Variants in CDH18 observed in about 807,000 individuals in gnomAD.
CDH18 encodes cadherin 18.
Under a neutral mutation model 67.9 loss-of-function variants are expected in CDH18, and 31 were observed. The observed-to-expected ratio is 0.46, with a 90% CI of 0.34 to 0.62. The LOEUF (loss-of-function observed/expected upper bound fraction) is 0.62. Ranked by LOEUF, CDH18 falls within the 20% of genes least tolerant of loss-of-function variation. The pLI, the probability that CDH18 is intolerant of heterozygous loss-of-function variation, is 0.01. For missense variants in CDH18, 890 were observed against 975.5 expected (o/e 0.91, Z 1.17); for synonymous variants, 362 against 347.2 (o/e 1.04, Z -0.48).
intron 2 of CDH18, among the ~76,000 whole-genome samples, chr5:19,932,796 A>T (rs1292665370): frequency 6.6e-6 from 1 of 151,438 alleles, no homozygotes; most frequent in Non-Finnish European, 1.5e-5. Flanking sequence ...TGCTCAAACC[A>T]CTTGTCTAAT....
At chr5:19,620,097 T>C (rs1188194044) in intron 5 of CDH18, among the ~76,000 whole-genome samples, 1 of 152,200 alleles carries the variant, frequency 6.6e-6, no homozygotes, top group Admixed American at 6.5e-5. Context: ...GAATTAGCAA[T>C]CATAAATTCA....
intron 2 of CDH18, among the ~76,000 whole-genome samples, chr5:20,148,793 T>G (rs941568230): frequency 6.6e-6 from 1 of 152,092 alleles, no homozygotes; most frequent in African/African-American, 2.4e-5. Flanking sequence ...ACTCAAGAAC[T>G]CAGTTTGACA....
chr5:20,186,765 T>C (rs1453408586), intron 2 of CDH18, among the ~76,000 whole-genome samples: 2 of 151,910 alleles, frequency 1.3e-5, no homozygotes, highest in Admixed American at 6.6e-5. Flanking sequence ...AAATGTAGAA[T>C]TATCTATCCT....
intron 3 of CDH18, among the ~76,000 whole-genome samples, chr5:19,823,325 G>A (rs555053091): frequency 6.6e-6 from 1 of 152,264 alleles, no homozygotes; most frequent in South Asian, 2.1e-4. Context: ...TATTGATTGG[G>A]GAAGTGATAA....
chr5:19,594,050 T>G (rs2150039649), intron 6 of CDH18, among the ~76,000 whole-genome samples: 1 of 152,270 alleles, frequency 6.6e-6, no homozygotes, highest in Admixed American at 6.5e-5. Context: ...TATGTTTAAC[T>G]TGTTAATCCA....
At chr5:20,415,665 C>A (rs1457993457) in intron 1 of CDH18, among the ~76,000 whole-genome samples, 1 of 151,706 alleles carries the variant, frequency 6.6e-6, no homozygotes, top group Non-Finnish European at 1.5e-5. Context: ...CCCAGCTACT[C>A]GGGAGGCTGA....
Position 20,356,244 on chromosome 5 carries a change from A to G in CDH18, c.-579-100739T>C, listed in dbSNP as rs539577280. On this transcript the variant is annotated intron_variant, in intron 1 of 14. Transcript: ENST00000507958. The stretch of plus-strand genomic sequence containing the variant: ...CTAAAAATGCAAAAATTAGCTGGGC[A>G]TGGTGGCAGGTGCCTGCAATCCCAG... Among the ~76,000 whole-genome samples the G allele has an allele frequency of 1.0e-3, 155 of 152,240 alleles. 2 individuals are homozygous for G. The highest frequency in any genetic ancestry group is 3.7e-3 in the African/African-American group (153 of 41,560).
At chr5:20,332,607 C>G (rs1251043297) in intron 1 of CDH18, among the ~76,000 whole-genome samples, 3 of 152,126 alleles carry the variant, frequency 2.0e-5, no homozygotes, top group Non-Finnish European at 2.9e-5. Flanking sequence ...ATACCATAAG[C>G]TAATTGTTAC....
intron 1 of CDH18, among the ~76,000 whole-genome samples, chr5:20,504,407 G>C (rs1453051784): frequency 6.6e-6 from 1 of 152,104 alleles, no homozygotes; most frequent in Admixed American, 6.5e-5. Flanking sequence ...ATGCAACACT[G>C]AACAACATAG....
intron 8 of CDH18, among the ~76,000 whole-genome samples, chr5:19,550,330 G>A (rs1737180370): frequency 6.6e-6 from 1 of 151,854 alleles, no homozygotes; most frequent in Non-Finnish European, 1.5e-5. Flanking sequence ...TGTTACATAC[G>A]TATACATGTG....
intron 2 of CDH18, among the ~76,000 whole-genome samples, chr5:19,956,579 T>A (rs994377067): frequency 6.6e-6 from 1 of 151,462 alleles, no homozygotes; most frequent in African/African-American, 2.4e-5. Flanking sequence ...ATTGTTTCAG[T>A]TATGAATACT....
At chr5:20,341,063 G>A (rs981625235) in intron 1 of CDH18, among the ~76,000 whole-genome samples, 1 of 152,140 alleles carries the variant, frequency 6.6e-6, no homozygotes, top group Admixed American at 6.5e-5. Flanking sequence ...CCACCATACT[G>A]GTTCAAATCC....
At chr5:19,676,065 T>C (rs1199092809) in intron 5 of CDH18, among the ~76,000 whole-genome samples, 1 of 151,092 alleles carries the variant, frequency 6.6e-6, no homozygotes, top group Non-Finnish European at 1.5e-5. Flanking sequence ...TCACAAGTAC[T>C]AAAAGCAACA....
chr5:19,782,347 A>G (rs1343582224), intron 3 of CDH18, among the ~76,000 whole-genome samples: 2 of 152,160 alleles, frequency 1.3e-5, no homozygotes, highest in East Asian at 1.9e-4. Flanking sequence ...CCATGATTCA[A>G]CTACCTCCAC....
chr5:19,491,754 AAG>A lies in CDH18; in HGVS notation c.1631-8204_1631-8203del, dbSNP rs761044873. Among the ~76,000 whole-genome samples, 341 of 152,274 alleles carry A rather than the reference AAG, an allele frequency of 2.2e-3. 1 individual carries two copies. The highest frequency in any genetic ancestry group is 3.6e-3 in the Non-Finnish European group (247 of 67,992). On this transcript the variant is annotated intron_variant, in intron 11 of 12. Transcript: ENST00000382275. ...TTTAAGTGTTTTGTTAAAAATTATA[AAG>A]CAACTTATAAATGTTATGATCATTT... is the stretch of plus-strand genomic sequence containing the variant.
At chr5:20,261,479 G>A (rs866974985) in intron 1 of CDH18, among the ~76,000 whole-genome samples, 1 of 152,144 alleles carries the variant, frequency 6.6e-6, no homozygotes, top group African/African-American at 2.4e-5. Flanking sequence ...GGTGGCTCAC[G>A]CCTCTAATCC....
intron 1 of CDH18, among the ~76,000 whole-genome samples, chr5:20,417,494 A>G (rs1403744457): frequency 6.6e-6 from 1 of 152,206 alleles, no homozygotes; most frequent in Non-Finnish European, 1.5e-5. Flanking sequence ...TTCCAGAATT[A>G]TAAAACTAGC....
chr5:19,764,520 T>C (rs1321231028), intron 3 of CDH18, among the ~76,000 whole-genome samples: 2 of 151,798 alleles, frequency 1.3e-5, no homozygotes, highest in Non-Finnish European at 2.9e-5. Context: ...AACCAAGGCA[T>C]GAGTCACTTG....
chr5:20,304,959 G>A, intron 1 of CDH18: 2 of 1,613,930 alleles, frequency 1.2e-6, no homozygotes, highest in East Asian at 4.5e-5. Flanking sequence ...GCACGGAGCA[G>A]TTCAAGGCGG....
Sources: gnomAD v4.1 joint callset for allele counts (sites outside exome capture counted in the v4.1 genomes callset) on GRCh38, gnomAD v4.1.1 for gene constraint, MANE v1.5 for transcripts, NCBI Gene and HGNC (gene_info 2026-07-23, HGNC 2026-07-21) for gene names.